The following KIRREL3 variants were observed in gnomAD, a reference collection of about 807,000 sequenced individuals.
KIRREL3 encodes the protein kin of IRRE-like protein 3.
Under a neutral mutation model 89.7 loss-of-function variants are expected in KIRREL3, and 36 were observed. The ratio of observed to expected loss-of-function variants is 0.40; its 90% CI spans 0.31 to 0.53. The LOEUF is 0.53. KIRREL3 is among the 20% of genes least tolerant of loss of function. The pLI is 0.49. For synonymous variants in KIRREL3, 445 were observed against 441.4 expected, an observed-to-expected ratio of 1.01 and a Z score of -0.10; for missense variants, 864 against 1,056.6, an observed-to-expected ratio of 0.82 and a Z score of 2.53.
rs757321585 is a variant in KIRREL3 at position 126,676,227 on chromosome 11, G to A, written c.56-113315C>T. 1.1e-4 allele frequency among the ~76,000 whole-genome samples: 16 copies of A among 152,178 alleles called. No individual in the cohort carries two copies. The highest frequency in any genetic ancestry group is 2.1e-4 in the Non-Finnish European group (14 of 68,026). ...ATCAAGGTGCTAGTAACTATCACGG[G>A]CAAAGATGAAATCAGCTAGGAAAGA... On this transcript the variant is annotated intron_variant, in intron 1 of 16. Coordinates refer to ENST00000525144, the MANE Select transcript of KIRREL3 (RefSeq NM_032531.4). This position sits in a 1 kb window ranked among gnomAD's most constrained non-coding sequence, Gnocchi z 4.5.
In KIRREL3 at chr11:126,670,468, TA is replaced by T. The variant is rs1204761922; in HGVS notation, c.56-107557del. On this transcript the variant is annotated intron_variant, in intron 1 of 16. Coordinates refer to ENST00000525144, the MANE Select transcript of KIRREL3 (RefSeq NM_032531.4). ...TCCTAGCTTAGTGCAATAAGATAAG[TA>T]AAAGAAATAAAAAGTGTGGAGACTT... Among the ~76,000 whole-genome samples the T allele has an allele frequency of 6.6e-5, 10 of 152,156 alleles. No individual in the cohort carries two copies. In the South Asian group the frequency reaches 1.0e-3, roughly 16 times the overall value.
rs1477520730 is a variant in KIRREL3, at chr11:126,476,981, A to T, written c.434-3515T>A. Among the ~76,000 whole-genome samples, 1 of 152,222 alleles carries T rather than the reference A, an allele frequency of 6.6e-6. No homozygotes were observed. The highest frequency in any genetic ancestry group is 6.5e-5 in the Admixed American group (1 of 15,284). Reference sequence around the variant, plus strand: ...CTTTTCGTGATTAATCCGGAGATAAAAATAGTTGACTGTTTTGGTGTTGTG... The same window carrying T: ...CTTTTCGTGATTAATCCGGAGATAATAATAGTTGACTGTTTTGGTGTTGTG... On this transcript the variant is annotated intron_variant, in intron 4 of 16. Coordinates refer to ENST00000525144, the MANE Select transcript of KIRREL3 (RefSeq NM_032531.4). The surrounding 1 kb of genome is among the most constrained non-coding windows in gnomAD (Gnocchi z 6.4).
At chr11:126,930,219 C>T (rs774915614) in intron 1 of KIRREL3, among the ~76,000 whole-genome samples, 5 of 151,738 alleles carry the variant, frequency 3.3e-5, no homozygotes, top group Admixed American at 6.6e-5. Context: ...TTGTTGTATG[C>T]GTGTGTATTT....
chr11:126,749,370 T>C (rs1255135692), intron 1 of KIRREL3, among the ~76,000 whole-genome samples: 1 of 152,166 alleles, frequency 6.6e-6, no homozygotes, highest in African/African-American at 2.4e-5. Flanking sequence ...TTTCTACACC[T>C]TTTCTAAATT....
chr11:126,671,706 A>C (rs1945959250), intron 1 of KIRREL3, among the ~76,000 whole-genome samples: 1 of 151,844 alleles, frequency 6.6e-6, no homozygotes, highest in Non-Finnish European at 1.5e-5. Context: ...GTCATTAGGG[A>C]AATGCAAATT....
At chr11:126,458,132 G>C (rs1448232273) in intron 6 of KIRREL3, among the ~76,000 whole-genome samples, 3 of 152,182 alleles carry the variant, frequency 2.0e-5, no homozygotes, top group African/African-American at 4.8e-5. Flanking sequence ...GGCAGCCCAG[G>C]ACCTCATCCC....
At chr11:126,889,950 C>A (rs1318761739) in intron 1 of KIRREL3, among the ~76,000 whole-genome samples, 1 of 152,176 alleles carries the variant, frequency 6.6e-6, no homozygotes, top group Non-Finnish European at 1.5e-5. Flanking sequence ...ACTTTTAGCC[C>A]TTAGCTGTGG....
chr11:126,711,518 C>T (rs185635515), intron 1 of KIRREL3, among the ~76,000 whole-genome samples: 30 of 152,192 alleles, frequency 2.0e-4, no homozygotes, highest in Non-Finnish European at 3.5e-4. Flanking sequence ...ACTGAGATCG[C>T]GCCACTGCAC....
chr11:126,726,086 C>T (rs12575502), intron 1 of KIRREL3, among the ~76,000 whole-genome samples: 121,354 of 152,074 alleles, frequency 0.8, 49,039 homozygotes, highest in East Asian at 0.99. Context: ...TCTGAGTGCC[C>T]TCCCTCCATT....
chr11:126,621,346 A>G (rs879297955), intron 1 of KIRREL3, among the ~76,000 whole-genome samples: 1 of 152,196 alleles, frequency 6.6e-6, no homozygotes, highest in Admixed American at 6.5e-5. Context: ...CAGCTAAAGG[A>G]AAAATAGGAA....
At position 126,519,947 on chromosome 11, in the gene KIRREL3, G is replaced by A. The variant is rs967519929; in HGVS notation, c.433+1368C>T. Among the ~76,000 whole-genome samples, 3 of 152,018 alleles carry A rather than the reference G, an allele frequency of 2.0e-5. No homozygotes were observed. Among genetic ancestry groups the A allele is most frequent in the East Asian group, 3.9e-4 (2 of 5,184 alleles). On this transcript the variant is annotated intron_variant, in intron 4 of 16. Coordinates refer to ENST00000525144, the MANE Select transcript of KIRREL3 (RefSeq NM_032531.4). The surrounding 1 kb of genome is among the most constrained non-coding windows in gnomAD (Gnocchi z 4.3). ...ATGGAATCCCAACTTATTTACCCCCGCTGGAACAGGTTTATTTTCTCATTC... is the reference window on the plus strand; with the variant it reads ...ATGGAATCCCAACTTATTTACCCCCACTGGAACAGGTTTATTTTCTCATTC...
intron 5 of KIRREL3, 64 bp downstream of exon 5, chr11:126,473,245 G>GCCCC: frequency 7.1e-6 from 3 of 420,430 alleles, no homozygotes; most frequent in South Asian, 5.5e-5. Context: ...TGTCCACCTA[G>GCCCC]CCCCCTCCCC....
rs1165478755 is a variant in KIRREL3, at chr11:126,906,269, G to A, written c.55+94186C>T. Among the ~76,000 whole-genome samples the A allele has an allele frequency of 2.6e-5, 4 of 152,148 alleles. No individual in the cohort carries two copies. Among genetic ancestry groups the A allele is most frequent in the African/African-American group, 9.7e-5 (4 of 41,424 alleles). ...GTTCAAAGACATGGCTCCCAGTCTCGGAAATCCAAACCTCACGCCTTGTGT... is the reference window on the plus strand; with the variant it reads ...GTTCAAAGACATGGCTCCCAGTCTCAGAAATCCAAACCTCACGCCTTGTGT... On this transcript the variant is annotated intron_variant, in intron 1 of 16. Transcript: ENST00000525144. The surrounding 1 kb of genome is among the most constrained non-coding windows in gnomAD (Gnocchi z 4.1).
At chr11:126,488,936 T>G (rs941931351) in intron 4 of KIRREL3, among the ~76,000 whole-genome samples, 1 of 152,218 alleles carries the variant, frequency 6.6e-6, no homozygotes, top group African/African-American at 2.4e-5. Context: ...CACAGCCACA[T>G]AGCCACGGGC....
At chr11:126,701,694 G>A (rs1161170184) in intron 1 of KIRREL3, among the ~76,000 whole-genome samples, 3 of 152,092 alleles carry the variant, frequency 2.0e-5, no homozygotes, top group African/African-American at 7.2e-5. Flanking sequence ...TGGAGGAGGT[G>A]GGCTGGGATC....
At chr11:126,714,141 G>C (rs866374415) in intron 1 of KIRREL3, among the ~76,000 whole-genome samples, 2 of 152,102 alleles carry the variant, frequency 1.3e-5, no homozygotes, top group Non-Finnish European at 2.9e-5. Flanking sequence ...GCCACAGCCC[G>C]GACAGTCAGT....
intron 1 of KIRREL3, among the ~76,000 whole-genome samples, chr11:126,619,906 T>G (rs1178064227): frequency 6.6e-6 from 1 of 152,180 alleles, no homozygotes; most frequent in Non-Finnish European, 1.5e-5. Context: ...GGTTTCTTCA[T>G]CTCCCTGTCC....
chr11:126,450,507 ATGTGTG>A (rs372083696), intron 7 of KIRREL3, among the ~76,000 whole-genome samples: 4 of 120,564 alleles, frequency 3.3e-5, no homozygotes, highest in South Asian at 2.6e-4. Context: ...GCATGTGTGC[ATGTGTG>A]TGTGTGCATC....
chr11:126,818,596 G>T (rs906771683), intron 1 of KIRREL3, among the ~76,000 whole-genome samples: 80 of 131,034 alleles, frequency 6.1e-4, no homozygotes, highest in African/African-American at 1.9e-3. Flanking sequence ...GTTTAAAGCA[G>T]AAATTGTGTA....
Sources: gnomAD v4.1 joint callset for allele counts (sites outside exome capture counted in the v4.1 genomes callset) on GRCh38, gnomAD v4.1.1 for gene constraint, Gnocchi (gnomAD v3.1) non-coding constraint, MANE v1.5 for transcripts, NCBI Gene and HGNC (gene_info 2026-07-23, HGNC 2026-07-21) for gene names.